FAM210B: variants seen among roughly 807,000 people sequenced by gnomAD.
FAM210B encodes mitochondrial inner membrane scaffold 2.
In FAM210B, 11 loss-of-function variants were observed where a neutral mutation model predicts 14.9. The observed-to-expected ratio is 0.74, with a 90% confidence interval of 0.46 to 1.22. FAM210B has a LOEUF of 1.22. Ranked by LOEUF, FAM210B falls within the 50% of genes most tolerant of loss-of-function variation. The pLI, the probability that FAM210B is intolerant of heterozygous loss-of-function variation, is 0.00. For missense variants in FAM210B, 229 were observed against 250.1 expected (o/e 0.92, Z 0.57); for synonymous variants, 113 against 110.2 (o/e 1.03, Z -0.16).
At position 56,359,001 on chromosome 20, in the gene FAM210B, G is replaced by T. The variant is rs1216578555; in HGVS notation, c.-5G>T. 1.5e-6 allele frequency: 2 copies of T among 1,291,416 alleles called. No homozygotes were observed. The highest frequency in any genetic ancestry group is 2.0e-6 in the Non-Finnish European group (2 of 1,015,370). The allele number at this position is 1,291,416 out of a possible 1,614,324, so 80.0% of individuals were successfully genotyped here. On this transcript the variant is annotated 5_prime_UTR_variant, in exon 1 of 3. Transcript: ENST00000371384. The surrounding 1 kb of genome is among the most constrained non-coding windows in gnomAD (Gnocchi z 4.3). ...CGGCGCGGGTGCTGCGCCTAGCTGC[G>T]CACCATGGCCGGGTTGCTGGCGTTG...
intron 2 of FAM210B, 54 bp downstream of exon 2, chr20:56,365,316 A>G (rs1477399698): frequency 6.4e-7 from 1 of 1,567,556 alleles, no homozygotes; most frequent in Non-Finnish European, 8.7e-7. Context: ...GTAAGATTCT[A>G]TGTGAATAAG....
rs796966085 is a variant in FAM210B, at chr20:56,362,264, C to A, written c.187-2823C>A. ...TGGCTCATTCTTTAAACCTTCCTAC[C>A]CCCTCTCTATTACAGGTTTTTGTAC... is the stretch of plus-strand genomic sequence containing the variant. On this transcript the variant is annotated intron_variant, in intron 1 of 2. Transcript: ENST00000371384. This position sits in a 1 kb window ranked among gnomAD's most constrained non-coding sequence, Gnocchi z 4.8. 2.6e-5 allele frequency among the ~76,000 whole-genome samples: 4 copies of A among 152,238 alleles called. No homozygotes were observed. The highest frequency in any genetic ancestry group is 2.0e-4 in the Admixed American group (3 of 15,288).
intron 1 of FAM210B, chr20:56,360,426 T>G (rs1267788987): frequency 2.8e-6 from 1 of 352,110 alleles, no homozygotes; most frequent in African/African-American, 2.1e-5. Flanking sequence ...ATTGACCTTG[T>G]CCCCAGCTCA....
chr20:56,366,518 A>C lies in FAM210B; in HGVS notation c.*231A>C, dbSNP rs1255967830. 5 of 482,018 alleles carry C rather than the reference A, an allele frequency of 1.0e-5. No homozygotes were observed. In the Admixed American group the frequency reaches 1.5e-4, roughly 15 times the overall value. The allele number at this position is 482,018 out of a possible 1,614,324, so 29.9% of individuals were successfully genotyped here. On this transcript the variant is annotated 3_prime_UTR_variant, in exon 3 of 3. Transcript: ENST00000371384. ...TATAGGGCTTGTATATATAATCTAA[A>C]ATGTCAGCAAGGCATCGGAGATGGG...
chr20:56,359,109 C>G lies in FAM210B; in HGVS notation c.104C>G (p.Pro35Arg). The change falls in exon 1 of 3, where the codon CCG (proline) becomes CGG (arginine). Residue 35 changes from proline to arginine, a missense_variant. Pro to Arg is a moderately radical substitution (Grantham distance 103). Coordinates refer to ENST00000371384, the MANE Select transcript of FAM210B (RefSeq NM_080821.3). The surrounding 1 kb of genome is among the most constrained non-coding windows in gnomAD (Gnocchi z 4.3). The stretch of plus-strand genomic sequence containing the variant: ...GGCGCCACCGCCCCCTGCGCCCCGC[C>G]GCCCCTGGCCCTGGCCCTGCTCCCG... The part of the protein sequence containing the change: ...LLGATAPCAP[P>R]PLALALLPPR... 1 of 1,333,256 alleles carries G rather than the reference C, an allele frequency of 7.5e-7. No individual in the cohort carries two copies. The highest frequency in any genetic ancestry group is 9.6e-7 in the Non-Finnish European group (1 of 1,042,038). The allele number at this position is 1,333,256 out of a possible 1,614,324, so 82.6% of individuals were successfully genotyped here. A position where few individuals can be genotyped will look rare whatever the true frequency, so the allele number is the denominator to read the frequency against.
chr20:56,361,120 G>A (rs1011533068), intron 1 of FAM210B, among the ~76,000 whole-genome samples: 10 of 152,172 alleles, frequency 6.6e-5, no homozygotes, highest in African/African-American at 2.4e-4. Flanking sequence ...CCGCCTGCCT[G>A]TGCCACTTAT....
At chr20:56,360,807 AACT>A (rs1983516576) in intron 1 of FAM210B, 1 of 153,782 alleles carries the variant, frequency 6.5e-6, no homozygotes, top group African/African-American at 2.4e-5. Context: ...GACAAAAGAT[AACT>A]CATCTGCCTG....
chr20:56,360,125 A>G (rs1983502958), intron 1 of FAM210B: 2 of 462,876 alleles, frequency 4.3e-6, no homozygotes, highest in Admixed American at 4.7e-5. Flanking sequence ...TGGGGATTGG[A>G]CCCAGGCTTT....
rs974661006 is a variant in FAM210B, at chr20:56,359,451, G to A, written c.186+260G>A. Among the ~76,000 whole-genome samples the A allele has an allele frequency of 2.0e-5, 3 of 152,232 alleles. No homozygotes were observed. The highest frequency in any genetic ancestry group is 3.9e-4 in the East Asian group (2 of 5,188). On this transcript the variant is annotated intron_variant, in intron 1 of 2. Transcript: ENST00000371384. This position sits in a 1 kb window ranked among gnomAD's most constrained non-coding sequence, Gnocchi z 4.3. ...TCGCGCAGTCTTCGGCCGAGCCCCG[G>A]GTCTGCAGAGCCTCAGCCAGGCTGG...
intron 2 of FAM210B, among the ~76,000 whole-genome samples, chr20:56,365,537 C>T (rs991021229): frequency 3.3e-5 from 5 of 151,892 alleles, no homozygotes; most frequent in African/African-American, 7.3e-5. Context: ...GACGGACTCT[C>T]GCTCTGTTGC....
chr20:56,364,286 T>C (rs1020310958), intron 1 of FAM210B, among the ~76,000 whole-genome samples: 3 of 152,184 alleles, frequency 2.0e-5, no homozygotes, highest in African/African-American at 7.2e-5. Flanking sequence ...CGAATCCATG[T>C]CCTGCCTTTT....
rs12150 is a variant in FAM210B, at chr20:56,368,476, C to G, written c.*2189C>G. 15,051 of 152,240 alleles carry G rather than the reference C, an allele frequency of 0.099. 2,201 individuals carry two copies. The highest frequency in any genetic ancestry group is 0.32 in the African/African-American group (13,324 of 41,444). The allele number at this position is 152,240 out of a possible 1,614,324, so 9.4% of individuals were successfully genotyped here. A position where few individuals can be genotyped will look rare whatever the true frequency, so the allele number is the denominator to read the frequency against. On this transcript the variant is annotated 3_prime_UTR_variant, in exon 3 of 3. Transcript: ENST00000371384. ...ATACCAAAAAGCCACATTGCTCTCTCCTAAGCCCCAACCCCACTCCACTCC... is the reference window on the plus strand; with the variant it reads ...ATACCAAAAAGCCACATTGCTCTCTGCTAAGCCCCAACCCCACTCCACTCC...
At chr20:56,364,026 A>G (rs1983582639) in intron 1 of FAM210B, among the ~76,000 whole-genome samples, 1 of 152,186 alleles carries the variant, frequency 6.6e-6, no homozygotes, top group Non-Finnish European at 1.5e-5. Flanking sequence ...GAAGGTTGGC[A>G]TGAGGATGGA....
Position 56,359,001 on chromosome 20 carries a change from G to A in FAM210B, c.-5G>A. The A allele has an allele frequency of 7.7e-7, 1 of 1,291,526 alleles. No homozygotes were observed. The highest frequency in any genetic ancestry group is 9.8e-7 in the Non-Finnish European group (1 of 1,015,360). The allele number at this position is 1,291,526 out of a possible 1,614,324, so 80.0% of individuals were successfully genotyped here. A position where few individuals can be genotyped will look rare whatever the true frequency, so the allele number is the denominator to read the frequency against. On this transcript the variant is annotated 5_prime_UTR_variant, in exon 1 of 3. Transcript: ENST00000371384. This position sits in a 1 kb window ranked among gnomAD's most constrained non-coding sequence, Gnocchi z 4.3. ...CGGCGCGGGTGCTGCGCCTAGCTGCGCACCATGGCCGGGTTGCTGGCGTTG... is the reference window on the plus strand; with the variant it reads ...CGGCGCGGGTGCTGCGCCTAGCTGCACACCATGGCCGGGTTGCTGGCGTTG...
chr20:56,362,460 C>T lies in FAM210B; in HGVS notation c.187-2627C>T, dbSNP rs1983553628. On this transcript the variant is annotated intron_variant, in intron 1 of 2. Transcript: ENST00000371384. The surrounding 1 kb of genome is among the most constrained non-coding windows in gnomAD (Gnocchi z 4.8). The stretch of plus-strand genomic sequence containing the variant: ...CCCGGGTACTTACGGCAATGTTTCA[C>T]GAAGAAATGAATGTCTAAAAATTTT... Among the ~76,000 whole-genome samples the T allele has an allele frequency of 6.6e-6, 1 of 152,154 alleles. No individual in the cohort carries two copies. Among genetic ancestry groups the T allele is most frequent in the Admixed American group, 6.5e-5 (1 of 15,274 alleles).
intron 1 of FAM210B, among the ~76,000 whole-genome samples, chr20:56,364,472 G>A (rs923319053): frequency 6.6e-6 from 1 of 152,158 alleles, no homozygotes; most frequent in Non-Finnish European, 1.5e-5. Flanking sequence ...TGGTAATAAT[G>A]TAGCCCAGGT....
At position 56,367,180 on chromosome 20, in the gene FAM210B, T is replaced by A. The variant is rs2146110211; in HGVS notation, c.*893T>A. ...AAGAAAAAAAAAGATTTTGTATCACTTCTTAAAAAGGAATATTCATAGCAC... is the reference window on the plus strand; with the variant it reads ...AAGAAAAAAAAAGATTTTGTATCACATCTTAAAAAGGAATATTCATAGCAC... On this transcript the variant is annotated 3_prime_UTR_variant, in exon 3 of 3. Coordinates refer to ENST00000371384, the MANE Select transcript of FAM210B (RefSeq NM_080821.3). 6.6e-6 allele frequency: 1 copy of A among 152,400 alleles called. No individual in the cohort carries two copies. Among genetic ancestry groups the A allele is most frequent in the East Asian group, 1.9e-4 (1 of 5,190 alleles). 9.4% of individuals were successfully genotyped at this position (152,400 alleles called of 1,614,324 possible).
Position 56,366,511 on chromosome 20 carries a change from A to C in FAM210B, c.*224A>C. ...TATTCATTATAGGGCTTGTATATAT[A>C]ATCTAAAATGTCAGCAAGGCATCGG... On this transcript the variant is annotated 3_prime_UTR_variant, in exon 3 of 3. Coordinates refer to ENST00000371384, the MANE Select transcript of FAM210B (RefSeq NM_080821.3). The C allele has an allele frequency of 5.9e-6, 3 of 504,780 alleles. No homozygotes were observed. Among genetic ancestry groups the C allele is most frequent in the South Asian group, 2.5e-5 (1 of 39,374 alleles). The allele number at this position is 504,780 out of a possible 1,614,324, so 31.3% of individuals were successfully genotyped here. A position where few individuals can be genotyped will look rare whatever the true frequency, so the allele number is the denominator to read the frequency against.
At chr20:56,361,141 G>A (rs772978659) in intron 1 of FAM210B, among the ~76,000 whole-genome samples, 2 of 152,136 alleles carry the variant, frequency 1.3e-5, no homozygotes, top group Non-Finnish European at 2.9e-5. Context: ...TCCTTCCAGG[G>A]ACGTAGGGGG....
Sources: allele counts gnomAD v4.1 joint callset (sites outside exome capture counted in the v4.1 genomes callset), GRCh38; gene constraint gnomAD v4.1.1; non-coding constraint Gnocchi (gnomAD v3.1); transcripts MANE v1.5; gene names NCBI Gene and HGNC (gene_info 2026-07-23, HGNC 2026-07-21).